NCKAP5: variants seen among roughly 807,000 people sequenced by gnomAD.
The protein encoded by NCKAP5 is NCK associated protein 5.
Under a neutral mutation model 167.0 loss-of-function variants are expected in NCKAP5, and 92 were observed. The observed-to-expected ratio is 0.55, with a 90% CI of 0.47 to 0.66. The LOEUF (loss-of-function observed/expected upper bound fraction) is 0.66, where lower values mean the gene tolerates loss of function less well. Ranked by LOEUF, NCKAP5 falls within the 30% of genes least tolerant of loss-of-function variation. The pLI is 0.00. For synonymous variants in NCKAP5, 891 were observed against 877.4 expected (o/e 1.02, Z -0.27); for missense variants, 2,378 against 2,315.0 (o/e 1.03, Z -0.56).
intron 19 of NCKAP5, among the ~76,000 whole-genome samples, chr2:132,678,006 GT>G (rs199601361): frequency 0.011 from 1,669 of 151,972 alleles, 33 homozygotes; most frequent in African/African-American, 0.038. Context: ...ATTCACAGTA[GT>G]TTTTTTTATA....
At chr2:133,082,578 C>G (rs939226276) in intron 6 of NCKAP5, among the ~76,000 whole-genome samples, 1 of 152,128 alleles carries the variant, frequency 6.6e-6, no homozygotes, top group African/African-American at 2.4e-5. Context: ...TTCCATCTTT[C>G]TTACCCACTT....
intron 5 of NCKAP5, among the ~76,000 whole-genome samples, chr2:133,164,937 G>A (rs145960150): frequency 3.2e-4 from 49 of 152,338 alleles, no homozygotes; most frequent in Middle Eastern, 3.4e-3. Flanking sequence ...CTGGCTTTGT[G>A]CTGTTAACAG....
intron 16 of NCKAP5, among the ~76,000 whole-genome samples, chr2:132,733,057 A>T (rs1691178361): frequency 6.6e-6 from 1 of 152,204 alleles, no homozygotes; most frequent in Non-Finnish European, 1.5e-5. Context: ...TGATTTCACC[A>T]TGTGTGTGAC....
intron 3 of NCKAP5, among the ~76,000 whole-genome samples, chr2:133,493,367 T>C (rs1210330730): frequency 6.6e-6 from 1 of 152,208 alleles, no homozygotes; most frequent in Non-Finnish European, 1.5e-5. Flanking sequence ...AGTGACTAAA[T>C]ACTAATACCT....
the NCKAP5 span, among the ~76,000 whole-genome samples, chr2:133,609,157 CA>C: frequency 6.6e-6 from 1 of 152,156 alleles, no homozygotes; most frequent in African/African-American, 2.4e-5. Flanking sequence ...CCTACCACAG[CA>C]GTTTGTGTGT....
At chr2:132,707,271 G>A (rs1688450953) in intron 19 of NCKAP5, among the ~76,000 whole-genome samples, 1 of 152,250 alleles carries the variant, frequency 6.6e-6, no homozygotes, top group Admixed American at 6.5e-5. Context: ...ACAGCGGAAA[G>A]TAACACGAGG....
At chr2:132,986,190 T>G (rs6712607) in intron 7 of NCKAP5, among the ~76,000 whole-genome samples, 6,247 of 152,220 alleles carry the variant, frequency 0.041, 392 homozygotes, top group African/African-American at 0.14. Flanking sequence ...GAAACAGGTG[T>G]TGTGTGTATA....
At chr2:133,221,953 G>A (rs2150208043) in intron 4 of NCKAP5, among the ~76,000 whole-genome samples, 1 of 152,228 alleles carries the variant, frequency 6.6e-6, no homozygotes, top group East Asian at 1.9e-4. Flanking sequence ...TCACTTCTTT[G>A]AGAGATACTG....
intron 3 of NCKAP5, among the ~76,000 whole-genome samples, chr2:133,501,989 T>C (rs1442195810): frequency 6.6e-6 from 1 of 152,194 alleles, no homozygotes; most frequent in East Asian, 1.9e-4. Flanking sequence ...ATACTCAACA[T>C]GTAGTCTTTG....
intron 12 of NCKAP5, among the ~76,000 whole-genome samples, chr2:132,794,263 T>G (rs7576540): frequency 0.07 from 807 of 11,598 alleles, 41 homozygotes; most frequent in Non-Finnish European, 0.072. Context: ...TATATATATA[T>G]AGAGAGAGAG....
the NCKAP5 span, among the ~76,000 whole-genome samples, chr2:133,650,695 C>CA: frequency 2.0e-5 from 3 of 151,482 alleles, no homozygotes; most frequent in Non-Finnish European, 4.4e-5. Context: ...GCCAACATGG[C>CA]AAAACCCCAT....
intron 2 of NCKAP5, among the ~76,000 whole-genome samples, chr2:133,535,481 A>T (rs13410388): frequency 0.039 from 5,907 of 152,060 alleles, 397 homozygotes; most frequent in African/African-American, 0.13. Flanking sequence ...ATTCTATTTC[A>T]TGACTGCATA....
intron 4 of NCKAP5, among the ~76,000 whole-genome samples, chr2:133,260,914 A>G (rs576376615): frequency 3.9e-5 from 6 of 152,306 alleles, no homozygotes; most frequent in African/African-American, 1.4e-4. Context: ...ATGTGGGCAT[A>G]TGTGTGAAAC....
intron 3 of NCKAP5, among the ~76,000 whole-genome samples, chr2:133,379,098 C>T (rs1686348688): frequency 6.6e-6 from 1 of 152,176 alleles, no homozygotes; most frequent in South Asian, 2.1e-4. Context: ...ACTCTATTTA[C>T]ATAATACACC....
At chr2:132,952,855 A>G (rs1424148558) in intron 8 of NCKAP5, among the ~76,000 whole-genome samples, 2 of 152,142 alleles carry the variant, frequency 1.3e-5, no homozygotes, top group East Asian at 3.9e-4. Context: ...ATAGCTCAGG[A>G]TGGTTTGCAG....
chr2:132,737,037 A>G (rs965923307), intron 16 of NCKAP5, among the ~76,000 whole-genome samples: 1 of 152,166 alleles, frequency 6.6e-6, no homozygotes, highest in Non-Finnish European at 1.5e-5. Context: ...AAATTCTCAC[A>G]GTTACCACCA....
chr2:132,680,954 G>A (rs1685143218), intron 19 of NCKAP5, among the ~76,000 whole-genome samples: 1 of 152,112 alleles, frequency 6.6e-6, no homozygotes. Context: ...TTAAAACGTA[G>A]GTTGACTGCC....
At chr2:132,697,234 G>C (rs950921073) in intron 19 of NCKAP5, among the ~76,000 whole-genome samples, 1 of 152,182 alleles carries the variant, frequency 6.6e-6, no homozygotes, top group Non-Finnish European at 1.5e-5. Context: ...AGTCACCTTG[G>C]AGGAGCTGGT....
intron 3 of NCKAP5, among the ~76,000 whole-genome samples, chr2:133,499,624 A>G (rs1413245324): frequency 1.3e-5 from 2 of 152,196 alleles, no homozygotes; most frequent in Admixed American, 6.5e-5. Context: ...CAGCAGCACA[A>G]TCTTGGCTCA....
Sources: gnomAD v4.1 joint callset for allele counts (sites outside exome capture counted in the v4.1 genomes callset) on GRCh38, gnomAD v4.1.1 for gene constraint, MANE v1.5 for transcripts, NCBI Gene and HGNC (gene_info 2026-07-23, HGNC 2026-07-21) for gene names.